Variants in TMEM182 observed in about 807,000 individuals in gnomAD.
The protein encoded by TMEM182 is transmembrane protein 182.
A neutral mutation model predicts 26.8 loss-of-function variants in TMEM182; 20 were observed. The observed-to-expected ratio is 0.75, with a 90% CI of 0.53 to 1.09. TMEM182 has a LOEUF of 1.09. Among genes scored for constraint, TMEM182 ranks in the 50% least tolerant of loss-of-function variants. TMEM182 has a pLI of 0.00. For synonymous variants in TMEM182, 109 were observed against 102.2 expected, an observed-to-expected ratio of 1.07 and a Z score of -0.40; for missense variants, 277 against 275.5, an observed-to-expected ratio of 1.01 and a Z score of -0.04.
chr2:102,779,940 T>C (rs1474675484), intron 3 of TMEM182, among the ~76,000 whole-genome samples: 3 of 152,026 alleles, frequency 2.0e-5, no homozygotes, highest in Non-Finnish European at 4.4e-5. Context: ...GAGGCGGAGG[T>C]TGCAGTGAGC....
Position 102,768,852 on chromosome 2 carries a change from C to T in TMEM182, c.331+4425C>T, listed in dbSNP as rs548723714. On this transcript the variant is annotated intron_variant, in intron 3 of 4. Transcript: ENST00000412401. ...TCTTTCACCCTTATAGAAGTGTAAGCTGAAGTGAATGATGTGAGGCTACAA... is the reference window on the plus strand; with the variant it reads ...TCTTTCACCCTTATAGAAGTGTAAGTTGAAGTGAATGATGTGAGGCTACAA... 7.2e-5 allele frequency among the ~76,000 whole-genome samples: 11 copies of T among 151,878 alleles called. No individual in the cohort carries two copies. The East Asian group carries it at 2.1e-3, about 30-fold the overall frequency.
intron 1 of TMEM182, 55 bp downstream of exon 1, chr2:102,762,404 T>C (rs1680250554): frequency 6.2e-7 from 1 of 1,604,604 alleles, no homozygotes; most frequent in Non-Finnish European, 8.5e-7. Context: ...GATACCCTTA[T>C]GTATGCTCTT....
chr2:102,832,557 T>C (rs1353944455), intron 3 of TMEM182, among the ~76,000 whole-genome samples: 1 of 152,190 alleles, frequency 6.6e-6, no homozygotes, highest in Non-Finnish European at 1.5e-5. Flanking sequence ...CCAGAAGAAG[T>C]TGGAACTATT....
chr2:102,743,255 G>A (rs1679593179), intron 1 of TMEM182, among the ~76,000 whole-genome samples: 1 of 151,900 alleles, frequency 6.6e-6, no homozygotes, highest in East Asian at 1.9e-4. Context: ...CAAACTCTAG[G>A]GCAACCACAA....
chr2:102,739,437 C>A (rs1269400847), intron 1 of TMEM182, among the ~76,000 whole-genome samples: 2 of 152,084 alleles, frequency 1.3e-5, no homozygotes, highest in African/African-American at 4.8e-5. Context: ...ATTGTAGTCC[C>A]CAGTGTTGGA....
At chr2:102,752,980 A>T (rs1187668177) in intron 1 of TMEM182, among the ~76,000 whole-genome samples, 1 of 152,234 alleles carries the variant, frequency 6.6e-6, no homozygotes, top group Non-Finnish European at 1.5e-5. Flanking sequence ...ACTCTAAACG[A>T]ATGAGGAAAT....
chr2:102,816,146 G>A lies in TMEM182; in HGVS notation c.*1178G>A. Reference sequence around the variant, plus strand: ...TTTGCATATCAAAGATGTTCATTTGGCACTAATGTTGATTGAAATCAAATC... The same window carrying A: ...TTTGCATATCAAAGATGTTCATTTGACACTAATGTTGATTGAAATCAAATC... On this transcript the variant is annotated 3_prime_UTR_variant, in exon 5 of 5. Coordinates refer to ENST00000412401, the MANE Select transcript of TMEM182 (RefSeq NM_144632.5). 1.0e-6 allele frequency: 1 copy of A among 985,264 alleles called. No individual in the cohort carries two copies. Among genetic ancestry groups the A allele is most frequent in the Non-Finnish European group, 1.2e-6 (1 of 829,922 alleles). 61.0% of individuals were successfully genotyped at this position (985,264 alleles called of 1,614,324 possible). A position where few individuals can be genotyped will look rare whatever the true frequency, so the allele number is the denominator to read the frequency against.
chr2:102,800,246 C>A (rs1682063806), intron 4 of TMEM182, among the ~76,000 whole-genome samples: 1 of 152,152 alleles, frequency 6.6e-6, no homozygotes, highest in Non-Finnish European at 1.5e-5. Context: ...TATCTGACTT[C>A]AGAATATTTT....
chr2:102,759,698 C>T (rs2540304), upstream of TMEM182, among the ~76,000 whole-genome samples: 73,379 of 152,064 alleles, frequency 0.48, 18,446 homozygotes, highest in African/African-American at 0.63. Flanking sequence ...GTTCCAGAGG[C>T]CAGAAATTCC....
At chr2:102,812,885 T>A (rs944192305) in intron 4 of TMEM182, among the ~76,000 whole-genome samples, 4 of 152,252 alleles carry the variant, frequency 2.6e-5, no homozygotes, top group African/African-American at 9.6e-5. Context: ...CAGGCAACAC[T>A]GTCTATATAT....
At chr2:102,763,077 A>G (rs964372348) in intron 2 of TMEM182, among the ~76,000 whole-genome samples, 2 of 152,198 alleles carry the variant, frequency 1.3e-5, no homozygotes, top group African/African-American at 4.8e-5. Context: ...GTAAAAATCC[A>G]TAAATAGAGA....
chr2:102,737,940 A>C (rs116350154), intron 1 of TMEM182, among the ~76,000 whole-genome samples: 2,501 of 152,320 alleles, frequency 0.016, 73 homozygotes, highest in African/African-American at 0.058. Flanking sequence ...TGTTAAATTC[A>C]GTGTTGCAAA....
intron 1 of TMEM182, among the ~76,000 whole-genome samples, chr2:102,748,029 G>A (rs1477683851): frequency 6.6e-6 from 1 of 152,048 alleles, no homozygotes; most frequent in Non-Finnish European, 1.5e-5. Context: ...TTTTCCCTAT[G>A]GTGACTTAGA....
chr2:102,786,934 G>A (rs986676964), intron 3 of TMEM182, among the ~76,000 whole-genome samples: 16 of 152,164 alleles, frequency 1.1e-4, no homozygotes, highest in African/African-American at 3.9e-4. Context: ...TTCAGTTAGC[G>A]CTGACCTTCA....
chr2:102,837,606 G>A (rs777368523), intron 3 of TMEM182, among the ~76,000 whole-genome samples: 170 of 152,254 alleles, frequency 1.1e-3, no homozygotes, highest in Admixed American at 2.6e-3. Context: ...AGGTTCCTGC[G>A]TGAAATGTGG....
chr2:102,781,470 T>A (rs1251088457), intron 3 of TMEM182, among the ~76,000 whole-genome samples: 2 of 152,168 alleles, frequency 1.3e-5, no homozygotes, highest in Non-Finnish European at 1.5e-5. Context: ...ACTGTGCATT[T>A]AAGCGTCATG....
At chr2:102,785,489 C>T (rs757179600) in intron 3 of TMEM182, among the ~76,000 whole-genome samples, 1 of 152,144 alleles carries the variant, frequency 6.6e-6, no homozygotes, top group Non-Finnish European at 1.5e-5. Flanking sequence ...CATAGTGTAT[C>T]ACCAATAAGT....
At position 102,751,551 on chromosome 2, in the gene TMEM182, C is replaced by T. The variant is rs140389907; in HGVS notation, c.-82-6838C>T. On this transcript the variant is annotated intron_variant, in intron 1 of 5. Transcript: ENST00000409173. ...CTTCTATGTCTGCAGCTTGATTTTACAGGCTACTCTTTGTTAGCAAAGAAA... is the reference window on the plus strand; with the variant it reads ...CTTCTATGTCTGCAGCTTGATTTTATAGGCTACTCTTTGTTAGCAAAGAAA... Among the ~76,000 whole-genome samples, 134 of 152,296 alleles carry T rather than the reference C, an allele frequency of 8.8e-4. 3 individuals are homozygous for T. The East Asian group carries it at 0.025, about 29-fold the overall frequency.
In TMEM182 at chr2:102,817,236, T is replaced by A. The variant is rs1682787624; in HGVS notation, c.*2268T>A. On this transcript the variant is annotated 3_prime_UTR_variant, in exon 5 of 5. Coordinates refer to ENST00000412401, the MANE Select transcript of TMEM182 (RefSeq NM_144632.5). ...TGTGTTGCCAAATGTCCATGTTATG[T>A]TTATTTCTCTATTGGTTGTATTTAT... The A allele has an allele frequency of 1.7e-5, 17 of 985,256 alleles. No homozygotes were observed. Among genetic ancestry groups the A allele is most frequent in the Non-Finnish European group, 1.9e-5 (16 of 829,872 alleles). 61.0% of individuals were successfully genotyped at this position (985,256 alleles called of 1,614,324 possible).
Sources: allele counts gnomAD v4.1 joint callset (sites outside exome capture counted in the v4.1 genomes callset), GRCh38; gene constraint gnomAD v4.1.1; transcripts MANE v1.5; gene names NCBI Gene and HGNC (gene_info 2026-07-23, HGNC 2026-07-21).